The following CLEC2L variants were observed in gnomAD, a reference collection of about 807,000 sequenced individuals.
CLEC2L encodes C-type lectin domain family 2 member L.
CLEC2L carries 14 observed loss-of-function variants against 23.6 expected under a neutral mutation model. That is an observed-to-expected ratio of 0.59 (90% confidence interval 0.39 to 0.93). The LOEUF is 0.93. Among genes scored for constraint, CLEC2L ranks in the 40% least tolerant of loss-of-function variants. CLEC2L has a pLI of 0.00. For missense variants in CLEC2L, 264 were observed against 282.4 expected (o/e 0.93, Z 0.47); for synonymous variants, 114 against 121.3 (o/e 0.94, Z 0.40).
rs1797612835 is a variant in CLEC2L, at chr7:139,533,715, A to C, written c.191-2559A>C. On this transcript the variant is annotated intron_variant, in intron 1 of 4. Coordinates refer to ENST00000422142, the MANE Select transcript of CLEC2L (RefSeq NM_001080511.4). ...TTGATTCCTTAAATCTGTGCTTTTC[A>C]GACTATCTTTGGTGAAGGAAACAGG... Among the ~76,000 whole-genome samples, 3 of 152,308 alleles carry C rather than the reference A, an allele frequency of 2.0e-5. No individual in the cohort carries two copies. In the South Asian group the frequency reaches 6.2e-4, roughly 32 times the overall value.
chr7:139,544,084 G>A (rs1797774198), intron 4 of CLEC2L, 147 bp from the exon 5 acceptor site: 2 of 631,374 alleles, frequency 3.2e-6, no homozygotes, highest in Non-Finnish European at 5.7e-6. Context: ...AGCTAGAACA[G>A]TCTGTTGGCC....
chr7:139,526,273 C>T (rs929978177), intron 1 of CLEC2L, among the ~76,000 whole-genome samples: 3 of 152,060 alleles, frequency 2.0e-5, no homozygotes, highest in Non-Finnish European at 2.9e-5. Context: ...ACCCAGAGCA[C>T]GATGTGTTCT....
intron 1 of CLEC2L, among the ~76,000 whole-genome samples, chr7:139,530,524 G>C (rs1027901386): frequency 1.3e-5 from 2 of 152,054 alleles, no homozygotes; most frequent in African/African-American, 4.8e-5. Context: ...TCAAGAAAGA[G>C]GGCTTCAGCT....
chr7:139,535,106 A>G (rs1188753846), intron 1 of CLEC2L, among the ~76,000 whole-genome samples: 3 of 152,238 alleles, frequency 2.0e-5, no homozygotes, highest in African/African-American at 7.2e-5. Context: ...GTTATTCACA[A>G]TAGCCAAAAG....
At chr7:139,535,678 G>T (rs947435344) in intron 1 of CLEC2L, among the ~76,000 whole-genome samples, 2 of 152,178 alleles carry the variant, frequency 1.3e-5, no homozygotes, top group African/African-American at 4.8e-5. Flanking sequence ...AGAGGATCAG[G>T]AAGAGGATGG....
intron 1 of CLEC2L, among the ~76,000 whole-genome samples, chr7:139,534,770 AC>A (rs2116315445): frequency 6.6e-6 from 1 of 151,852 alleles, no homozygotes; most frequent in Non-Finnish European, 1.5e-5. Context: ...TTTTACTTAA[AC>A]ATTTTTATGA....
Position 139,542,539 on chromosome 7 carries a change from G to T in CLEC2L, c.533+418G>T, listed in dbSNP as rs373761683. On this transcript the variant is annotated intron_variant, in intron 4 of 4. Coordinates refer to ENST00000422142, the MANE Select transcript of CLEC2L (RefSeq NM_001080511.4). ...GAACTTAGTCACATGGCCGCACCTG[G>T]CCGCAAGGGAGGATGGGAGATGCGC... Among the ~76,000 whole-genome samples the T allele has an allele frequency of 4.0e-4, 61 of 152,348 alleles. 1 individual carries two copies. In the South Asian group the frequency reaches 0.012, roughly 29 times the overall value.
intron 2 of CLEC2L, among the ~76,000 whole-genome samples, chr7:139,538,758 A>G (rs548997844): frequency 2.3e-5 from 1 of 42,594 alleles, no homozygotes; most frequent in Non-Finnish European, 3.8e-5. Flanking sequence ...CAAAAAAACA[A>G]AACAAAACAA....
Position 139,540,102 on chromosome 7 carries a change from TCA to T in CLEC2L, c.266-217_266-216del, listed in dbSNP as rs977456125. 6 of 543,922 alleles carry T rather than the reference TCA, an allele frequency of 1.1e-5. No homozygotes were observed. The African/African-American group carries it at 1.1e-4, about 10-fold the overall frequency. 33.7% of individuals were successfully genotyped at this position (543,922 alleles called of 1,614,324 possible). On this transcript the variant is annotated intron_variant, in intron 2 of 4. Transcript: ENST00000422142. This position sits in a 1 kb window ranked among gnomAD's most constrained non-coding sequence, Gnocchi z 5.8. The stretch of plus-strand genomic sequence containing the variant: ...TCCTAACCCAGGGGCTGCCCTGCTG[TCA>T]CTTCCCGTCGTGATGATGCCCCTGC...
intron 1 of CLEC2L, among the ~76,000 whole-genome samples, chr7:139,532,006 C>T (rs1382690168): frequency 6.6e-6 from 1 of 151,896 alleles, no homozygotes; most frequent in African/African-American, 2.4e-5. Flanking sequence ...ATGAAATAGA[C>T]CAAACCAAGG....
chr7:139,544,593 C>G lies in CLEC2L; in HGVS notation c.*251C>G. 1.9e-6 allele frequency: 1 copy of G among 537,802 alleles called. No homozygotes were observed. The highest frequency in any genetic ancestry group is 3.4e-6 in the Non-Finnish European group (1 of 297,820). 33.3% of individuals were successfully genotyped at this position (537,802 alleles called of 1,614,324 possible). On this transcript the variant is annotated 3_prime_UTR_variant, in exon 5 of 5. Transcript: ENST00000422142. Reference sequence around the variant, plus strand: ...CTAGGTAGTGTAGGCATCTGCCCACCTACACACACACACATGCATAGGTAC... The same window carrying G: ...CTAGGTAGTGTAGGCATCTGCCCACGTACACACACACACATGCATAGGTAC...
intron 1 of CLEC2L, among the ~76,000 whole-genome samples, chr7:139,536,036 A>G (rs1302205427): frequency 1.3e-5 from 2 of 152,214 alleles, no homozygotes; most frequent in South Asian, 4.1e-4. Context: ...CAGGTATGGT[A>G]GCTCATGCCT....
chr7:139,537,422 A>T (rs1797675060), intron 2 of CLEC2L, among the ~76,000 whole-genome samples: 1 of 152,234 alleles, frequency 6.6e-6, no homozygotes, highest in Non-Finnish European at 1.5e-5. Flanking sequence ...TAACAAATGA[A>T]AGAGGGTTTG....
chr7:139,536,321 G>C lies in CLEC2L; in HGVS notation c.238G>C (p.Ala80Pro), dbSNP rs935747331. 24 of 1,551,352 alleles carry C rather than the reference G, an allele frequency of 1.5e-5. No homozygotes were observed. Among genetic ancestry groups the C allele is most frequent in the Non-Finnish European group, 2.0e-5 (23 of 1,146,802 alleles). The change falls in exon 2 of 5, where the codon GCC becomes CCC. Residue 80 changes from alanine to proline, a missense_variant. By Grantham distance (27) the Ala-to-Pro change is conservative. Coordinates refer to ENST00000422142, the MANE Select transcript of CLEC2L (RefSeq NM_001080511.4). ...GGGTGCCATCGCGGTCCTTCTGTTCGCCATCTTGGTGGTGATGAGCATCTT... is the reference window on the plus strand; with the variant it reads ...GGGTGCCATCGCGGTCCTTCTGTTCCCCATCTTGGTGGTGATGAGCATCTT... ...LLGAIAVLLF[A>P]ILVVMSILAS...
Position 139,544,307 on chromosome 7 carries a change from C to G in CLEC2L, c.610C>G (p.Arg204Gly). Residue 204 changes from arginine (R) to glycine (G), a missense_variant, in exon 5 of 5, where the codon CGG becomes GGG. Physicochemically the swap from Arg to Gly is moderately radical, Grantham distance 125 (BLOSUM62 -2). Transcript: ENST00000422142. ...RLVSTECLMT[R>G]PWVCSKMAYT ...GGTGTCGACGGAGTGTCTGATGACC[C>G]GGCCCTGGGTGTGCAGCAAGATGGC... 1 of 1,613,154 alleles carries G rather than the reference C, an allele frequency of 6.2e-7. No homozygotes were observed. The highest frequency in any genetic ancestry group is 8.5e-7 in the Non-Finnish European group (1 of 1,179,554).
intron 1 of CLEC2L, among the ~76,000 whole-genome samples, chr7:139,533,806 C>T (rs528053395): frequency 6.6e-5 from 10 of 152,230 alleles, no homozygotes; most frequent in South Asian, 2.1e-4. Context: ...ACTTGGATGT[C>T]GGGTAATTGC....
rs1451240871 is a variant in CLEC2L at position 139,540,733 on chromosome 7, G to A, written c.432+246G>A. 3.3e-5 allele frequency among the ~76,000 whole-genome samples: 5 copies of A among 152,166 alleles called. No homozygotes were observed. Among genetic ancestry groups the A allele is most frequent in the Non-Finnish European group, 5.9e-5 (4 of 68,028 alleles). On this transcript the variant is annotated intron_variant, in intron 3 of 4. Transcript: ENST00000422142. This position sits in a 1 kb window ranked among gnomAD's most constrained non-coding sequence, Gnocchi z 5.8. ...TTCAATCCAAGGCCCACTGGTTGAG[G>A]TCACTTAGTATTATAAACCAGAAGA... is the stretch of plus-strand genomic sequence containing the variant.
chr7:139,544,349 T>C lies in CLEC2L; in HGVS notation c.*7T>C, dbSNP rs1462966098. On this transcript the variant is annotated 3_prime_UTR_variant, in exon 5 of 5. Transcript: ENST00000422142. ...CAAGATGGCCTATACTTGAGGTGGGTGGGGCCAGAGGTGGCCCCGCCCCTA... is the reference window on the plus strand; with the variant it reads ...CAAGATGGCCTATACTTGAGGTGGGCGGGGCCAGAGGTGGCCCCGCCCCTA... 10 of 1,589,764 alleles carry C rather than the reference T, an allele frequency of 6.3e-6. No individual in the cohort carries two copies. The Admixed American group carries it at 6.8e-5, about 11-fold the overall frequency.
At position 139,523,826 on chromosome 7, in the gene CLEC2L, G is replaced by T. The variant is rs1318482400; in HGVS notation, c.-102G>T. The T allele has an allele frequency of 2.8e-5, 22 of 785,622 alleles. No homozygotes were observed. The highest frequency in any genetic ancestry group is 3.1e-5 in the Non-Finnish European group (20 of 649,834). The allele number at this position is 785,622 out of a possible 1,614,324, so 48.7% of individuals were successfully genotyped here. ...CCGCGGTCCTAGCCCACCCGAGGCCGGCCTGGGGGGCCCGCAGGGCGCGCG... is the reference window on the plus strand; with the variant it reads ...CCGCGGTCCTAGCCCACCCGAGGCCTGCCTGGGGGGCCCGCAGGGCGCGCG... On this transcript the variant is annotated 5_prime_UTR_variant, in exon 1 of 5. Coordinates refer to ENST00000422142, the MANE Select transcript of CLEC2L (RefSeq NM_001080511.4). The surrounding 1 kb of genome is among the most constrained non-coding windows in gnomAD (Gnocchi z 4.1).
Sources: gnomAD v4.1 joint callset for allele counts (sites outside exome capture counted in the v4.1 genomes callset) on GRCh38, gnomAD v4.1.1 for gene constraint, Gnocchi (gnomAD v3.1) non-coding constraint, MANE v1.5 for transcripts, NCBI Gene and HGNC (gene_info 2026-07-23, HGNC 2026-07-21) for gene names.